Variants in STARD13 observed in about 807,000 individuals in gnomAD.
STARD13 encodes the protein stAR-related lipid transfer protein 13.
Under a neutral mutation model 106.4 loss-of-function variants are expected in STARD13, and 62 were observed. That is an observed-to-expected ratio of 0.58 (90% CI 0.48 to 0.72). The LOEUF (loss-of-function observed/expected upper bound fraction) is 0.72, where lower values mean the gene tolerates loss of function less well. Ranked by LOEUF, STARD13 falls within the 30% of genes least tolerant of loss-of-function variation. The pLI is 0.00. For missense variants in STARD13, 1,387 were observed against 1,424.0 expected (o/e 0.97, Z 0.42); for synonymous variants, 565 against 553.0 (o/e 1.02, Z -0.31).
chr13:33,502,976 C>T, the STARD13 span, among the ~76,000 whole-genome samples: 2 of 152,134 alleles, frequency 1.3e-5, no homozygotes, highest in African/African-American at 4.8e-5. Context: ...CCTCTTTGTA[C>T]CTCTGGTAGA....
chr13:33,437,293 G>C, the STARD13 span, among the ~76,000 whole-genome samples: 41 of 152,126 alleles, frequency 2.7e-4, 1 homozygote, highest in South Asian at 8.1e-3. Flanking sequence ...TTGCTCAATC[G>C]ATCACGACCC....
chr13:33,461,600 T>G, the STARD13 span, among the ~76,000 whole-genome samples: 1 of 152,226 alleles, frequency 6.6e-6, no homozygotes, highest in Non-Finnish European at 1.5e-5. Flanking sequence ...TCCTAAGTAT[T>G]ATTTATACTT....
At chr13:33,277,906 A>T (rs1411116530) in intron 1 of STARD13, 3 of 152,164 alleles carry the variant, frequency 2.0e-5, no homozygotes, top group African/African-American at 7.2e-5. Flanking sequence ...TCTGGCCTTT[A>T]CTCAGTTGAC....
the STARD13 span, among the ~76,000 whole-genome samples, chr13:33,366,600 C>CG: frequency 1.3e-5 from 2 of 152,168 alleles, no homozygotes; most frequent in Non-Finnish European, 2.9e-5. This position sits in a 1 kb window ranked among gnomAD's most constrained non-coding sequence, Gnocchi z 4.2. Context: ...AGCTTTGCTT[C>CG]CTTCCCTACC....
intron 1 of STARD13, among the ~76,000 whole-genome samples, chr13:33,250,090 C>A (rs928603767): frequency 6.6e-6 from 1 of 152,062 alleles, no homozygotes; most frequent in East Asian, 1.9e-4. Context: ...GTGCCCAGCC[C>A]CCATCATAAA....
intron 1 of STARD13, among the ~76,000 whole-genome samples, chr13:33,196,188 C>T (rs1886603011): frequency 6.6e-6 from 1 of 152,108 alleles, no homozygotes; most frequent in African/African-American, 2.4e-5. Flanking sequence ...AGTTCAAGAC[C>T]AGCCTGGCCA....
chr13:33,329,044 C>T (rs1230692446), intron 1 of STARD13, among the ~76,000 whole-genome samples: 1 of 152,218 alleles, frequency 6.6e-6, no homozygotes, highest in Non-Finnish European at 1.5e-5. Context: ...TCAAGTTCTG[C>T]ACCATGAATT....
upstream of STARD13, among the ~76,000 whole-genome samples, chr13:33,286,876 ATGTGTGTATATATATGTGTATATATG>A (rs1566119339): frequency 6.6e-6 from 1 of 152,084 alleles, no homozygotes; most frequent in Non-Finnish European, 1.5e-5. Flanking sequence ...GTATATATAT[ATGTGTGTATATATATGTGTATATATG>A]TGTGTATATA....
the STARD13 span, among the ~76,000 whole-genome samples, chr13:33,669,332 G>A: frequency 1.3e-5 from 2 of 151,988 alleles, no homozygotes; most frequent in Non-Finnish European, 1.5e-5. Flanking sequence ...AGAAGAGGCC[G>A]GCTTCTCTGA....
At chr13:33,587,297 C>T in the STARD13 span, among the ~76,000 whole-genome samples, 3 of 151,954 alleles carry the variant, frequency 2.0e-5, no homozygotes, top group African/African-American at 7.3e-5. Context: ...CTTCATCTGA[C>T]TATGGCCCAT....
chr13:33,471,189 A>T, the STARD13 span, among the ~76,000 whole-genome samples: 31,213 of 152,174 alleles, frequency 0.21, 5,710 homozygotes, highest in African/African-American at 0.49. Context: ...CTGGAATGAT[A>T]TTAAGATATG....
chr13:33,664,169 A>G, the STARD13 span, among the ~76,000 whole-genome samples: 1 of 152,146 alleles, frequency 6.6e-6, no homozygotes, highest in Admixed American at 6.5e-5. Flanking sequence ...TGCTGAAGAG[A>G]CACTCATTTC....
At chr13:33,193,084 A>G (rs1038296347) in intron 1 of STARD13, among the ~76,000 whole-genome samples, 2 of 152,222 alleles carry the variant, frequency 1.3e-5, no homozygotes, top group African/African-American at 4.8e-5. Context: ...CTTTTAAAAC[A>G]TCTTTTTAAA....
chr13:33,346,255 C>T (rs182976322), downstream of STARD13, among the ~76,000 whole-genome samples: 6 of 152,318 alleles, frequency 3.9e-5, no homozygotes, highest in Non-Finnish European at 7.4e-5. Flanking sequence ...GCCACCCCAG[C>T]TGACAGCTTG....
the STARD13 span, among the ~76,000 whole-genome samples, chr13:33,409,753 AC>A: frequency 6.6e-6 from 1 of 152,236 alleles, no homozygotes; most frequent in Non-Finnish European, 1.5e-5. Flanking sequence ...AGAGGAAAAT[AC>A]ATTTCAGAAC....
In STARD13 at chr13:33,104,290, A is replaced by G. The variant is rs1199427734; in HGVS notation, c.*1303T>C. 4 of 152,296 alleles carry G rather than the reference A, an allele frequency of 2.6e-5. No individual in the cohort carries two copies. The highest frequency in any genetic ancestry group is 2.1e-4 in the South Asian group (1 of 4,834). 9.4% of individuals were successfully genotyped at this position (152,296 alleles called of 1,614,324 possible). A position where few individuals can be genotyped will look rare whatever the true frequency, so the allele number is the denominator to read the frequency against. Reference sequence around the variant, plus strand: ...AAGGGAGTCAATTCGCTTCATCTGTACAATAATAAATAAGGTTGGGTCAAA... The same window carrying G: ...AAGGGAGTCAATTCGCTTCATCTGTGCAATAATAAATAAGGTTGGGTCAAA... On this transcript the variant is annotated 3_prime_UTR_variant, in exon 14 of 14. Coordinates refer to ENST00000336934, the MANE Select transcript of STARD13 (RefSeq NM_178006.4).
intron 7 of STARD13, among the ~76,000 whole-genome samples, chr13:33,118,846 A>G (rs962681136): frequency 2.6e-5 from 4 of 152,226 alleles, no homozygotes; most frequent in African/African-American, 9.6e-5. Context: ...ATTTTGATTT[A>G]AGGAATTTAT....
At chr13:33,153,464 G>A (rs1415009723) in intron 3 of STARD13, among the ~76,000 whole-genome samples, 1 of 152,154 alleles carries the variant, frequency 6.6e-6, no homozygotes, top group Admixed American at 6.5e-5. Flanking sequence ...GAGAAACGCT[G>A]GGCGACTGTG....
chr13:33,201,164 C>T (rs576920045), intron 1 of STARD13, among the ~76,000 whole-genome samples: 1 of 152,160 alleles, frequency 6.6e-6, no homozygotes, highest in African/African-American at 2.4e-5. Flanking sequence ...ATGTTCCTGC[C>T]CACTAGCAAT....
Sources: allele counts gnomAD v4.1 joint callset (sites outside exome capture counted in the v4.1 genomes callset), GRCh38; gene constraint gnomAD v4.1.1; non-coding constraint Gnocchi (gnomAD v3.1); transcripts MANE v1.5; gene names NCBI Gene and HGNC (gene_info 2026-07-23, HGNC 2026-07-21).